MYO5A: variants seen among roughly 807,000 people sequenced by gnomAD.
MYO5A encodes the protein unconventional myosin-Va.
A neutral mutation model predicts 249.7 loss-of-function variants in MYO5A; 98 were observed. The ratio of observed to expected loss-of-function variants is 0.39; its 90% CI spans 0.33 to 0.46. The LOEUF (loss-of-function observed/expected upper bound fraction) is 0.46, where lower values mean the gene tolerates loss of function less well. Among genes scored for constraint, MYO5A ranks in the 20% least tolerant of loss-of-function variants. The pLI, the probability that MYO5A is intolerant of heterozygous loss-of-function variation, is 0.98. For synonymous variants in MYO5A, 778 were observed against 810.6 expected, an observed-to-expected ratio of 0.96 and a Z score of 0.68; for missense variants, 1,696 against 2,308.8, an observed-to-expected ratio of 0.73 and a Z score of 5.44.
intron 23 of MYO5A, among the ~76,000 whole-genome samples, chr15:52,365,032 GTATTC>G (rs1426191858): frequency 2.6e-5 from 4 of 152,016 alleles, no homozygotes; most frequent in African/African-American, 9.7e-5. Flanking sequence ...TATTCCAATG[GTATTC>G]TATTCATAAA....
chr15:52,393,182 T>C (rs954149182), intron 11 of MYO5A, among the ~76,000 whole-genome samples: 1 of 152,180 alleles, frequency 6.6e-6, no homozygotes, highest in Non-Finnish European at 1.5e-5. Flanking sequence ...TTTGTCTCCT[T>C]TGGTTCTTTC....
chr15:52,354,630 T>C (rs896113334), intron 25 of MYO5A, among the ~76,000 whole-genome samples: 3 of 151,962 alleles, frequency 2.0e-5, no homozygotes, highest in African/African-American at 7.3e-5. Flanking sequence ...CCAAGGCGGG[T>C]GGATCACAAG....
intron 1 of MYO5A, among the ~76,000 whole-genome samples, chr15:52,459,113 C>T (rs2076179534): frequency 6.9e-6 from 1 of 145,066 alleles, no homozygotes; most frequent in South Asian, 2.1e-4. Context: ...AATTCTCTGG[C>T]CTCAGCCTCC....
chr15:52,418,922 TA>T (rs2043653678), intron 4 of MYO5A, among the ~76,000 whole-genome samples: 1 of 152,216 alleles, frequency 6.6e-6, no homozygotes, highest in African/African-American at 2.4e-5. Flanking sequence ...TTTTACCCTT[TA>T]AAATATGTAA....
At chr15:52,324,817 A>T (rs372607763) in intron 36 of MYO5A, among the ~76,000 whole-genome samples, 3 of 152,110 alleles carry the variant, frequency 2.0e-5, no homozygotes, top group East Asian at 1.9e-4. Flanking sequence ...TATTCCCCTA[A>T]AAAGACTTTA....
intron 31 of MYO5A, among the ~76,000 whole-genome samples, chr15:52,342,160 AG>A (rs1008815435): frequency 1.3e-5 from 2 of 152,156 alleles, no homozygotes; most frequent in African/African-American, 4.8e-5. Context: ...GTTTGACACC[AG>A]CCTGGGCAAC....
intron 29 of MYO5A, 30 bp downstream of exon 29, chr15:52,348,788 T>TAAAG: frequency 7.1e-7 from 1 of 1,408,802 alleles, no homozygotes; most frequent in Non-Finnish European, 9.5e-7. Flanking sequence ...AATAGAAGTA[T>TAAAG]TTACTAAAAA....
chr15:52,394,629 C>G (rs893388987), intron 11 of MYO5A, among the ~76,000 whole-genome samples: 3 of 152,148 alleles, frequency 2.0e-5, no homozygotes, highest in African/African-American at 7.2e-5. Context: ...TGGATAGAGA[C>G]AGACAGCAGG....
chr15:52,389,823 G>A (rs1378210352), intron 12 of MYO5A, among the ~76,000 whole-genome samples: 1 of 152,158 alleles, frequency 6.6e-6, no homozygotes, highest in South Asian at 2.1e-4. Context: ...GCGAGGTGGT[G>A]GGCACCTGTA....
intron 1 of MYO5A, among the ~76,000 whole-genome samples, chr15:52,448,957 C>CTTTTTTTTTTT (rs145765339): frequency 5.9e-4 from 33 of 55,592 alleles, no homozygotes; most frequent in African/African-American, 1.8e-3. Flanking sequence ...TCTTGTCTTT[C>CTTTTTTTTTTT]TTTTTTTTTT....
intron 6 of MYO5A, among the ~76,000 whole-genome samples, chr15:52,408,455 T>G (rs973363211): frequency 5.9e-5 from 9 of 152,098 alleles, no homozygotes; most frequent in African/African-American, 2.2e-4. Flanking sequence ...AATCATTTTT[T>G]TTTTGCAATA....
At chr15:52,403,372 T>G (rs1272430126) in intron 9 of MYO5A, among the ~76,000 whole-genome samples, 1 of 152,216 alleles carries the variant, frequency 6.6e-6, no homozygotes, top group Non-Finnish European at 1.5e-5. Context: ...TATAATGGAC[T>G]ATTATTCAGC....
At position 52,336,606 on chromosome 15, in the gene MYO5A, A is replaced by G. The variant is rs199712819; in HGVS notation, c.4315-50T>C. Reference sequence around the variant, plus strand: ...TTAGAAAAATCGAAACAGGCCTTCTAAAATGCATCAAAGGAAAATAGACAC... The same window carrying G: ...TTAGAAAAATCGAAACAGGCCTTCTGAAATGCATCAAAGGAAAATAGACAC... On this transcript the variant is annotated intron_variant, in intron 33 of 41. Coordinates refer to ENST00000399233, the MANE Select transcript of MYO5A (RefSeq NM_001382347.1). 466 of 1,300,244 alleles carry G rather than the reference A, an allele frequency of 3.6e-4. 2 individuals are homozygous for G. The African/African-American group carries it at 6.2e-3, about 17-fold the overall frequency. 80.5% of individuals were successfully genotyped at this position (1,300,244 alleles called of 1,614,324 possible).
In MYO5A at chr15:52,407,312, C is replaced by G; in HGVS notation, c.926G>C (p.Arg309Thr). ...VDDAKEMAHT[R>T]QACTLLGISE... ...ATTACCTAGCAAAGTGCAGGCCTGC[C>G]TAGTATGTGCCATCTCCTTTGCATC... Residue 309 changes from arginine to threonine, a missense_variant, in exon 8 of 42, where the codon AGG (arginine) becomes ACG (threonine). Arg to Thr is a moderately conservative substitution (Grantham distance 71, BLOSUM62 -1). This residue lies in a region of MYO5A where 185 missense variants were observed against 204.8 expected (regional missense o/e 0.90). Transcript: ENST00000399233. The G allele has an allele frequency of 6.2e-7, 1 of 1,613,272 alleles. No homozygotes were observed. The highest frequency in any genetic ancestry group is 8.5e-7 in the Non-Finnish European group (1 of 1,179,260).
At chr15:52,314,646 G>A (rs1020144017) in intron 40 of MYO5A, among the ~76,000 whole-genome samples, 6 of 151,944 alleles carry the variant, frequency 3.9e-5, no homozygotes, top group Admixed American at 1.3e-4. Context: ...AATGTTAGCC[G>A]TATTAATACA....
intron 1 of MYO5A, among the ~76,000 whole-genome samples, chr15:52,464,770 A>G (rs1194347084): frequency 1.3e-5 from 2 of 152,248 alleles, no homozygotes; most frequent in Non-Finnish European, 2.9e-5. Flanking sequence ...TTTTAAGCAG[A>G]GTAATGAATG....
intron 8 of MYO5A, 41 bp downstream of exon 8, chr15:52,407,251 A>G: frequency 6.9e-7 from 1 of 1,444,410 alleles, no homozygotes; most frequent in Non-Finnish European, 9.8e-7. Flanking sequence ...TTGAGTAAAA[A>G]AGCTATTCCT....
chr15:52,488,935 A>T (rs2076879420), intron 1 of MYO5A, among the ~76,000 whole-genome samples: 1 of 152,242 alleles, frequency 6.6e-6, no homozygotes, highest in Admixed American at 6.5e-5. Context: ...ACAACTGCCC[A>T]TGGGAGGAGG....
In MYO5A at chr15:52,337,807, T is replaced by C. The variant is rs1295626351; in HGVS notation, c.4314+3A>G. On this transcript the variant is annotated splice_donor_region_variant and intron_variant, in intron 33 of 41. Coordinates refer to ENST00000399233, the MANE Select transcript of MYO5A (RefSeq NM_001382347.1). The stretch of plus-strand genomic sequence containing the variant: ...AGCAGAAAAGCACTATGGTTTTACA[T>C]ACAATCATCCGTTTGTAAAGGGAAA... The C allele has an allele frequency of 7.8e-6, 12 of 1,534,576 alleles. No homozygotes were observed. The highest frequency in any genetic ancestry group is 2.4e-5 in the East Asian group (1 of 40,842).
Sources: gnomAD v4.1 joint callset for allele counts (sites outside exome capture counted in the v4.1 genomes callset) on GRCh38, gnomAD v4.1.1 for gene constraint, gnomAD v4.1.1 regional missense constraint, MANE v1.5 for transcripts, NCBI Gene and HGNC (gene_info 2026-07-23, HGNC 2026-07-21) for gene names.